The following RAB11FIP4 variants were observed in gnomAD, a reference collection of about 807,000 sequenced individuals.
RAB11FIP4 encodes RAB11 family interacting protein 4.
Under a neutral mutation model 74.3 loss-of-function variants are expected in RAB11FIP4, and 23 were observed. The observed-to-expected ratio is 0.31, with a 90% CI of 0.22 to 0.44. RAB11FIP4 has a LOEUF of 0.44. Among genes scored for constraint, RAB11FIP4 ranks in the 20% least tolerant of loss-of-function variants. RAB11FIP4 has a pLI of 1.00. For missense variants in RAB11FIP4, 630 were observed against 863.9 expected, an observed-to-expected ratio of 0.73 and a Z score of 3.39; for synonymous variants, 360 against 359.9, an observed-to-expected ratio of 1.00 and a Z score of 0.00.
chr17:31,397,644 G>C (rs1006875029), intron 1 of RAB11FIP4, among the ~76,000 whole-genome samples: 2 of 152,162 alleles, frequency 1.3e-5, no homozygotes, highest in African/African-American at 4.8e-5. Flanking sequence ...TATGCTTCTG[G>C]GAAACTGTGC....
intron 1 of RAB11FIP4, among the ~76,000 whole-genome samples, chr17:31,411,221 A>G (rs905729511): frequency 1.2e-4 from 18 of 152,250 alleles, no homozygotes; most frequent in African/African-American, 1.7e-4. Flanking sequence ...AAAATTAGCC[A>G]GGCGTGATGG....
intron 1 of RAB11FIP4, chr17:31,392,470 G>A: frequency 6.5e-6 from 1 of 152,958 alleles, no homozygotes; most frequent in Non-Finnish European, 1.5e-5. Flanking sequence ...CTCCTCGGCT[G>A]CACACACCCT....
rs1597990246 is a variant in RAB11FIP4, at chr17:31,531,873, A to G, written c.*141A>G. On this transcript the variant is annotated 3_prime_UTR_variant, in exon 15 of 15. Transcript: ENST00000621161. ...CCATGCGTTACGTGTACCCGTGTAT[A>G]TGTGGGGAGGCTGTGCACACGAGCG... The G allele has an allele frequency of 1.5e-6, 1 of 666,732 alleles. No individual in the cohort carries two copies. Among genetic ancestry groups the G allele is most frequent in the East Asian group, 2.5e-5 (1 of 39,356 alleles). The allele number at this position is 666,732 out of a possible 1,614,324, so 41.3% of individuals were successfully genotyped here. A position where few individuals can be genotyped will look rare whatever the true frequency, so the allele number is the denominator to read the frequency against.
At chr17:31,402,921 G>A (rs1487505156) in intron 1 of RAB11FIP4, among the ~76,000 whole-genome samples, 3 of 151,982 alleles carry the variant, frequency 2.0e-5, no homozygotes, top group African/African-American at 4.8e-5. Context: ...CACCGCGCCT[G>A]GCCAGATTAT....
intron 1 of RAB11FIP4, among the ~76,000 whole-genome samples, chr17:31,425,931 G>A (rs952282354): frequency 9.8e-5 from 15 of 152,314 alleles, no homozygotes; most frequent in Admixed American, 8.5e-4. Context: ...TATGCTCCCT[G>A]CGTGACCTTG....
intron 3 of RAB11FIP4, among the ~76,000 whole-genome samples, chr17:31,451,013 C>T (rs1225513532): frequency 6.6e-6 from 1 of 152,114 alleles, no homozygotes; most frequent in African/African-American, 2.4e-5. Flanking sequence ...ATGGTTTTAC[C>T]TCCAAACTAT....
At chr17:31,424,041 C>A (rs1053106620) in intron 1 of RAB11FIP4, among the ~76,000 whole-genome samples, 3 of 152,158 alleles carry the variant, frequency 2.0e-5, no homozygotes, top group Non-Finnish European at 4.4e-5. Context: ...GGAGGCCCCC[C>A]TTTCCCGGCT....
At chr17:31,481,953 A>G (rs1334460799) in intron 3 of RAB11FIP4, among the ~76,000 whole-genome samples, 2 of 152,106 alleles carry the variant, frequency 1.3e-5, no homozygotes, top group Admixed American at 1.3e-4. Context: ...GGCTGGTGAA[A>G]TCATCCCGGC....
chr17:31,472,551 T>G (rs1269338446), intron 3 of RAB11FIP4, among the ~76,000 whole-genome samples: 1 of 152,102 alleles, frequency 6.6e-6, no homozygotes, highest in Non-Finnish European at 1.5e-5. Context: ...GTCCCTTCTC[T>G]CAAAGAATTG....
At chr17:31,483,511 C>A (rs972974750) in intron 3 of RAB11FIP4, among the ~76,000 whole-genome samples, 1 of 152,204 alleles carries the variant, frequency 6.6e-6, no homozygotes, top group Non-Finnish European at 1.5e-5. Flanking sequence ...CCTTTATTCA[C>A]ATGAAGTTTC....
At chr17:31,487,685 T>G (rs569812529) in intron 3 of RAB11FIP4, among the ~76,000 whole-genome samples, 1 of 151,828 alleles carries the variant, frequency 6.6e-6, no homozygotes, top group Non-Finnish European at 1.5e-5. Context: ...GGCCGGAATC[T>G]CACAGTGCGG....
At chr17:31,440,307 C>A (rs1489255594) in intron 3 of RAB11FIP4, among the ~76,000 whole-genome samples, 1 of 152,106 alleles carries the variant, frequency 6.6e-6, no homozygotes, top group African/African-American at 2.4e-5. Context: ...GAAATTTTAT[C>A]TTTATTGTAT....
chr17:31,504,566 CCTGTAA>C (rs2072282417), intron 3 of RAB11FIP4, among the ~76,000 whole-genome samples: 1 of 152,152 alleles, frequency 6.6e-6, no homozygotes, highest in African/African-American at 2.4e-5. Flanking sequence ...CCGTGCCTGT[CCTGTAA>C]CTTTCAAATG....
chr17:31,404,506 C>T (rs990476011), intron 1 of RAB11FIP4, among the ~76,000 whole-genome samples: 6 of 152,258 alleles, frequency 3.9e-5, no homozygotes, highest in African/African-American at 1.4e-4. Flanking sequence ...GTCTCCTCAT[C>T]TGTATAGTGG....
intron 1 of RAB11FIP4, among the ~76,000 whole-genome samples, chr17:31,407,657 C>A (rs938107558): frequency 6.6e-6 from 1 of 152,094 alleles, no homozygotes; most frequent in Non-Finnish European, 1.5e-5. Flanking sequence ...TCTGTTTCCT[C>A]GAGGTTAGAT....
intron 1 of RAB11FIP4, among the ~76,000 whole-genome samples, chr17:31,410,025 C>T (rs555519400): frequency 2.6e-5 from 4 of 152,276 alleles, no homozygotes; most frequent in African/African-American, 7.2e-5. Flanking sequence ...TGGGATGGGC[C>T]TCTGTACTTC....
chr17:31,520,418 T>G (rs571004440), intron 4 of RAB11FIP4, among the ~76,000 whole-genome samples: 32 of 152,200 alleles, frequency 2.1e-4, no homozygotes, highest in Non-Finnish European at 4.4e-4. Flanking sequence ...TTCCTCTCCT[T>G]AAAGTGAAAG....
Position 31,528,609 on chromosome 17 carries a change from C to G in RAB11FIP4, c.1495-11C>G. ...TCCCTGCTCCTGCCAACCTGCTTCT[C>G]TCCCTCGCAGCTCATCGAGGACTTG... is the stretch of plus-strand genomic sequence containing the variant. On this transcript the variant is annotated splice_polypyrimidine_tract_variant and intron_variant, in intron 12 of 14. Coordinates refer to ENST00000621161, the MANE Select transcript of RAB11FIP4 (RefSeq NM_032932.6). The G allele has an allele frequency of 6.2e-7, 1 of 1,613,376 alleles. No individual in the cohort carries two copies. The highest frequency in any genetic ancestry group is 1.1e-5 in the South Asian group (1 of 91,048).
chr17:31,444,726 C>T (rs1031455000), intron 3 of RAB11FIP4, among the ~76,000 whole-genome samples: 18 of 152,152 alleles, frequency 1.2e-4, no homozygotes, highest in Non-Finnish European at 1.9e-4. Context: ...CCTTACATCC[C>T]GTCTTTTTAA....
Sources: allele counts gnomAD v4.1 joint callset (sites outside exome capture counted in the v4.1 genomes callset), GRCh38; gene constraint gnomAD v4.1.1; transcripts MANE v1.5; gene names NCBI Gene and HGNC (gene_info 2026-07-23, HGNC 2026-07-21).